USP10: variants seen among roughly 807,000 people sequenced by gnomAD.
The protein encoded by USP10 is ubiquitin carboxyl-terminal hydrolase 10.
In USP10, 22 loss-of-function variants were observed where a neutral mutation model predicts 84.5. The ratio of observed to expected loss-of-function variants is 0.26; its 90% CI spans 0.19 to 0.37. USP10 has a LOEUF of 0.37. USP10 is among the 10% of genes least tolerant of loss of function. The pLI is 1.00. For synonymous variants in USP10, 454 were observed against 387.6 expected (o/e 1.17, Z -2.01); for missense variants, 1,019 against 998.9 (o/e 1.02, Z -0.27).
chr16:84,754,498 T>C (rs1231087356), intron 4 of USP10, among the ~76,000 whole-genome samples: 1 of 152,200 alleles, frequency 6.6e-6, no homozygotes, highest in Non-Finnish European at 1.5e-5. Flanking sequence ...ACGTATGTTC[T>C]GCTGTTGCAG....
intron 1 of USP10, among the ~76,000 whole-genome samples, chr16:84,726,223 G>C (rs77762177): frequency 6.6e-6 from 1 of 152,290 alleles, no homozygotes; most frequent in East Asian, 1.9e-4. Context: ...CCCTAGTGCC[G>C]TGCTGTACTG....
Position 84,758,788 on chromosome 16 carries a change from A to G in USP10, c.1265A>G (p.Asn422Ser). ...CCCCGTGGGCTGATCAATAAAGGGA[A>G]CTGGTGCTACATTAATGCTGTATCC... ...LQPRGLINKG[N>S]WCYINATLQA... The change falls in exon 5 of 14, where the codon AAC becomes AGC. Residue 422 changes from asparagine to serine, a missense_variant. Coordinates refer to ENST00000219473, the MANE Select transcript of USP10 (RefSeq NM_005153.3). The G allele has an allele frequency of 1.2e-6, 2 of 1,613,426 alleles. No individual in the cohort carries two copies. Among genetic ancestry groups the G allele is most frequent in the Non-Finnish European group, 8.5e-7 (1 of 1,179,352 alleles).
chr16:84,768,781 GGTCATTGTAAATATAATATA>G (rs1411283170), intron 11 of USP10, among the ~76,000 whole-genome samples: 17 of 152,156 alleles, frequency 1.1e-4, no homozygotes, highest in African/African-American at 3.9e-4. Flanking sequence ...AGATCTTCCA[GGTCATTGTAAATATAATATA>G]GTCATTGTAA....
In USP10 at chr16:84,715,080, C is replaced by CA. The variant is rs1270052485; in HGVS notation, c.21+14970dup. ...AGTAGCTGGGACTACAGGCATGCAC[C>CA]ACCATGCCTAGCTACTTTTTATATT... On this transcript the variant is annotated intron_variant, in intron 1 of 13. Coordinates refer to ENST00000219473, the MANE Select transcript of USP10 (RefSeq NM_005153.3). 7.9e-5 allele frequency among the ~76,000 whole-genome samples: 12 copies of CA among 151,994 alleles called. 1 individual carries two copies. Among genetic ancestry groups the CA allele is most frequent in the Admixed American group, 7.9e-4 (12 of 15,264 alleles).
Position 84,775,204 on chromosome 16 carries a change from C to G in USP10, c.2188C>G (p.Arg730Gly). 6.2e-7 allele frequency: 1 copy of G among 1,613,704 alleles called. No individual in the cohort carries two copies. Among genetic ancestry groups the G allele is most frequent in the Non-Finnish European group, 8.5e-7 (1 of 1,179,676 alleles). Residue 730 changes from arginine to glycine, a missense_variant, in exon 13 of 14, where the codon CGA becomes GGA. This residue lies in a region of USP10 where 232 missense variants were observed against 290.1 expected (regional missense o/e 0.80). Coordinates refer to ENST00000219473, the MANE Select transcript of USP10 (RefSeq NM_005153.3). ...GVKNKNFKCH[R>G]TYRLFAVVYH... Reference sequence around the variant, plus strand: ...TAAAAATAAGAATTTTAAATGCCACCGAACCTATCGGCTCTTTGCAGGTGA... The same window carrying G: ...TAAAAATAAGAATTTTAAATGCCACGGAACCTATCGGCTCTTTGCAGGTGA...
rs770284234 is a variant in USP10, at chr16:84,745,717, A to G, written c.1192+44A>G. 9.7e-6 allele frequency: 15 copies of G among 1,546,644 alleles called. No individual in the cohort carries two copies. In the South Asian group the frequency reaches 1.3e-4, roughly 14 times the overall value. On this transcript the variant is annotated intron_variant, in intron 4 of 13. Coordinates refer to ENST00000219473, the MANE Select transcript of USP10 (RefSeq NM_005153.3). The stretch of plus-strand genomic sequence containing the variant: ...AAATCTAGAGTGAAGATGGGAGCAG[A>G]CCTCATCAACTGGGCTTATAGACTG...
At chr16:84,730,248 T>C (rs1173350064) in intron 1 of USP10, among the ~76,000 whole-genome samples, 1 of 152,180 alleles carries the variant, frequency 6.6e-6, no homozygotes, top group Non-Finnish European at 1.5e-5. Flanking sequence ...AACACAAATA[T>C]GTTATTATAT....
intron 3 of USP10, 151 bp from the exon 4 acceptor site, chr16:84,744,482 C>T (rs902922871): frequency 2.4e-5 from 15 of 631,418 alleles, no homozygotes; most frequent in Admixed American, 3.6e-5. Flanking sequence ...TTTCATTTTC[C>T]GCAAATTGTT....
chr16:84,772,252 T>C (rs1402239920), intron 11 of USP10, among the ~76,000 whole-genome samples: 1 of 152,162 alleles, frequency 6.6e-6, no homozygotes, highest in Admixed American at 6.5e-5. Flanking sequence ...GATTTCACCA[T>C]GTTGGCCAGG....
intron 1 of USP10, among the ~76,000 whole-genome samples, chr16:84,708,161 G>A (rs1367198762): frequency 6.6e-6 from 1 of 151,020 alleles, no homozygotes; most frequent in African/African-American, 2.4e-5. Context: ...AGTGTAAAAA[G>A]AGGTCTGGCT....
At chr16:84,741,167 C>G (rs528261491) in intron 3 of USP10, among the ~76,000 whole-genome samples, 1 of 152,202 alleles carries the variant, frequency 6.6e-6, no homozygotes, top group Non-Finnish European at 1.5e-5. Flanking sequence ...ACAATTTAGG[C>G]TTCAATAGAA....
Position 84,700,097 on chromosome 16 carries a change from C to G in USP10, c.7C>G (p.Leu3Val). 2 of 1,359,274 alleles carry G rather than the reference C, an allele frequency of 1.5e-6. No homozygotes were observed. Among genetic ancestry groups the G allele is most frequent in the Non-Finnish European group, 1.9e-6 (2 of 1,035,062 alleles). 84.2% of individuals were successfully genotyped at this position (1,359,274 alleles called of 1,614,324 possible). A position where few individuals can be genotyped will look rare whatever the true frequency, so the allele number is the denominator to read the frequency against. Residue 3 changes from leucine (L) to valine (V), a missense_variant, in exon 1 of 14, where the codon CTC becomes GTC. Around this residue, in one of 2 missense-constraint regions of USP10, gnomAD observed 787 missense variants for 708.8 expected, o/e 1.11. Coordinates refer to ENST00000219473, the MANE Select transcript of USP10 (RefSeq NM_005153.3). ...CCCAATGAAACGGGCAGCCATGGCC[C>G]TCCACAGCCCGCAGGTAGCCGCCGG... MA[L>V]HSPQYIFGDF...
chr16:84,736,913 C>T (rs1466314350), intron 2 of USP10, among the ~76,000 whole-genome samples: 2 of 152,192 alleles, frequency 1.3e-5, no homozygotes, highest in African/African-American at 4.8e-5. Context: ...CTCAGCCTCC[C>T]GAGTAGCTGG....
In USP10 at chr16:84,734,899, C is replaced by T. The variant is rs746066199; in HGVS notation, c.90+1396C>T. Among the ~76,000 whole-genome samples, 316 of 152,332 alleles carry T rather than the reference C, an allele frequency of 2.1e-3. 7 individuals carry two copies. The East Asian group carries it at 0.052, about 25-fold the overall frequency. On this transcript the variant is annotated intron_variant, in intron 2 of 13. Transcript: ENST00000219473. Reference sequence around the variant, plus strand: ...TCCTCACCATTCATTGGGAACTCGGCCCTTAGCTGTCCTGTCAGCCCCGTT... The same window carrying T: ...TCCTCACCATTCATTGGGAACTCGGTCCTTAGCTGTCCTGTCAGCCCCGTT...
intron 4 of USP10, among the ~76,000 whole-genome samples, chr16:84,748,021 G>A (rs1911445389): frequency 6.6e-6 from 1 of 151,482 alleles, no homozygotes; most frequent in African/African-American, 2.4e-5. Context: ...AGGCGTGGTG[G>A]CGGGCGCCTG....
chr16:84,775,063 G>T (rs1567655626), intron 12 of USP10, 97 bp from the exon 13 acceptor site: 2 of 1,051,516 alleles, frequency 1.9e-6, no homozygotes, highest in East Asian at 2.4e-5. Context: ...CTGACAGGCA[G>T]TTTACTTGCT....
At chr16:84,777,359 G>A (rs773601127) in intron 13 of USP10, among the ~76,000 whole-genome samples, 2 of 152,190 alleles carry the variant, frequency 1.3e-5, no homozygotes, top group Admixed American at 6.5e-5. Flanking sequence ...ACTGATGGTC[G>A]CTTTGAAGCA....
At chr16:84,720,429 T>C (rs559313304) in intron 1 of USP10, among the ~76,000 whole-genome samples, 18 of 152,188 alleles carry the variant, frequency 1.2e-4, no homozygotes, top group African/African-American at 4.1e-4. Context: ...TGTGTGGAGT[T>C]TGAGTACATG....
chr16:84,725,793 T>A (rs1339509572), intron 1 of USP10, among the ~76,000 whole-genome samples: 1 of 152,252 alleles, frequency 6.6e-6, no homozygotes, highest in Non-Finnish European at 1.5e-5. Context: ...AGAAGTTGTC[T>A]GGTCCAACAT....
Sources: gnomAD v4.1 joint callset for allele counts (sites outside exome capture counted in the v4.1 genomes callset) on GRCh38, gnomAD v4.1.1 for gene constraint, gnomAD v4.1.1 regional missense constraint, MANE v1.5 for transcripts, NCBI Gene and HGNC (gene_info 2026-07-23, HGNC 2026-07-21) for gene names.